CHRNA1: variants seen among roughly 807,000 people sequenced by gnomAD.
CHRNA1 encodes the protein cholinergic receptor nicotinic alpha 1 subunit.
A neutral mutation model predicts 47.1 loss-of-function variants in CHRNA1; 35 were observed. The ratio of observed to expected loss-of-function variants is 0.74; its 90% confidence interval spans 0.57 to 0.99. The LOEUF (loss-of-function observed/expected upper bound fraction) is 0.99, where lower values mean the gene tolerates loss of function less well. Ranked by LOEUF, CHRNA1 falls within the 50% of genes least tolerant of loss-of-function variation. CHRNA1 has a pLI of 0.00. For missense variants in CHRNA1, 506 were observed against 591.1 expected (o/e 0.86, Z 1.49); for synonymous variants, 229 against 223.6 (o/e 1.02, Z -0.22).
At chr2:174,764,237 G>T in intron 1 of CHRNA1, 115 bp downstream of exon 1, 1 of 1,066,680 alleles carries the variant, frequency 9.4e-7, no homozygotes, top group African/African-American at 1.6e-5. Flanking sequence ...GCCCCTGGTT[G>T]GGGAGGCTCT....
chr2:174,753,778 T>C (rs1370544307), intron 5 of CHRNA1, 38 bp from the exon 6 acceptor site: 4 of 1,600,840 alleles, frequency 2.5e-6, no homozygotes, highest in South Asian at 2.2e-5. Flanking sequence ...CCCAGGCAGG[T>C]CACCCTGATG....
intron 1 of CHRNA1, among the ~76,000 whole-genome samples, chr2:174,760,565 G>A (rs150747210): frequency 2.0e-5 from 3 of 152,176 alleles, no homozygotes; most frequent in African/African-American, 2.4e-5. Flanking sequence ...GAGAGGGATC[G>A]GGTGGGACTC....
At chr2:174,757,437 T>A in intron 4 of CHRNA1, 129 bp downstream of exon 4, 1 of 680,120 alleles carries the variant, frequency 1.5e-6, no homozygotes, top group South Asian at 1.5e-5. Flanking sequence ...TTTACAGGTG[T>A]GAGCCACCAT....
chr2:174,754,800 A>G (rs909083596), intron 4 of CHRNA1, among the ~76,000 whole-genome samples: 15 of 151,796 alleles, frequency 9.9e-5, no homozygotes, highest in African/African-American at 3.1e-4. Flanking sequence ...TATGTTGGGG[A>G]AAAAAAACAC....
intron 6 of CHRNA1, among the ~76,000 whole-genome samples, chr2:174,751,675 T>G (rs1463821805): frequency 6.6e-6 from 1 of 151,632 alleles, no homozygotes; most frequent in African/African-American, 2.4e-5. Flanking sequence ...CTTTTCTTTC[T>G]TTTTTTCTTC....
intron 6 of CHRNA1, 144 bp from the exon 7 acceptor site, chr2:174,750,313 T>C: frequency 1.5e-6 from 1 of 684,610 alleles, no homozygotes; most frequent in Non-Finnish European, 2.5e-6. Flanking sequence ...ACAGGGACTT[T>C]AAGGAGGTAA....
At chr2:174,751,745 C>T (rs1683855500) in intron 6 of CHRNA1, among the ~76,000 whole-genome samples, 1 of 150,392 alleles carries the variant, frequency 6.6e-6, no homozygotes, top group South Asian at 2.1e-4. Context: ...GTGGTGCCAT[C>T]TCAGCTCACT....
chr2:174,757,815 G>A (rs1684012584), intron 3 of CHRNA1, 140 bp from the exon 4 acceptor site: 3 of 982,662 alleles, frequency 3.1e-6, no homozygotes, highest in Non-Finnish European at 4.8e-6. Flanking sequence ...TCAGAATTTA[G>A]CTTTCACTTC....
chr2:174,749,156 A>C (rs1197114780), intron 7 of CHRNA1, among the ~76,000 whole-genome samples: 2 of 152,200 alleles, frequency 1.3e-5, no homozygotes, highest in Non-Finnish European at 2.9e-5. Flanking sequence ...GCAATGTGTC[A>C]CCAGGATCAA....
Position 174,748,012 on chromosome 2 carries a change from G to T in CHRNA1, c.*112C>A. The T allele has an allele frequency of 7.6e-7, 1 of 1,324,228 alleles. No homozygotes were observed. The allele number at this position is 1,324,228 out of a possible 1,614,324, so 82.0% of individuals were successfully genotyped here. On this transcript the variant is annotated 3_prime_UTR_variant, in exon 9 of 9. Coordinates refer to ENST00000348749, the MANE Select transcript of CHRNA1 (RefSeq NM_000079.4). ...AATCTTATCATCAATAATAAGTATG[G>T]AATATAACACGTTTGATAAGTGCGA...
intron 7 of CHRNA1, 116 bp from the exon 8 acceptor site, chr2:174,748,935 A>C: frequency 7.4e-7 from 1 of 1,356,522 alleles, no homozygotes; most frequent in Non-Finnish European, 1.0e-6. Flanking sequence ...TCTGGGCTTC[A>C]GCCTCCTTGT....
chr2:174,755,586 T>G (rs1282586621), intron 4 of CHRNA1, among the ~76,000 whole-genome samples: 1 of 151,938 alleles, frequency 6.6e-6, no homozygotes, highest in Non-Finnish European at 1.5e-5. Flanking sequence ...GCCCAGCTAA[T>G]TTTTTGTATT....
chr2:174,757,882 A>G (rs1298417050), intron 3 of CHRNA1: 9 of 1,036,012 alleles, frequency 8.7e-6, no homozygotes, highest in Middle Eastern at 2.0e-4. Context: ...TGTTTCAAAC[A>G]ACTTACCTAT....
Position 174,748,063 on chromosome 2 carries a change from C to T in CHRNA1, c.*61G>A. 6.2e-7 allele frequency: 1 copy of T among 1,606,710 alleles called. No homozygotes were observed. The highest frequency in any genetic ancestry group is 8.5e-7 in the Non-Finnish European group (1 of 1,175,630). On this transcript the variant is annotated 3_prime_UTR_variant, in exon 9 of 9. Transcript: ENST00000348749. ...GTGGAGCAAGTAGACAAATCTTCCT[C>T]TCCTGCCCTTCTCTGCTCTGGTAGG...
intron 3 of CHRNA1, chr2:174,758,136 TG>T: frequency 6.8e-7 from 1 of 1,477,168 alleles, no homozygotes; most frequent in Non-Finnish European, 9.4e-7. Flanking sequence ...AGTCTGGGCA[TG>T]GTGGCTCATG....
intron 3 of CHRNA1, 90 bp from the exon 4 acceptor site, chr2:174,757,765 A>C (rs1684011770): frequency 8.4e-7 from 1 of 1,194,878 alleles, no homozygotes; most frequent in South Asian, 1.3e-5. Context: ...ATGGGAATTC[A>C]GTATTGACAG....
Position 174,748,813 on chromosome 2 carries a change from T to C in CHRNA1, c.1009A>G (p.Ile337Val). Reference sequence around the variant, plus strand: ...AACATGATATTTGGGATAGTGTCGATAAAAACCTAACATAAAAAAGAAATC... The same window carrying C: ...AACATGATATTTGGGATAGTGTCGACAAAAACCTAACATAAAAAAGAAATC... ...VMPNWVRKVF[I>V]DTIPNIMFFS... The change falls in exon 8 of 9, where the codon ATC (isoleucine) becomes GTC (valine). Residue 337 changes from isoleucine to valine, a missense_variant. By Grantham distance (29) the Ile-to-Val change is conservative. Coordinates refer to ENST00000348749, the MANE Select transcript of CHRNA1 (RefSeq NM_000079.4). 1 of 1,614,062 alleles carries C rather than the reference T, an allele frequency of 6.2e-7. No individual in the cohort carries two copies. Among genetic ancestry groups the C allele is most frequent in the South Asian group, 1.1e-5 (1 of 91,070 alleles).
chr2:174,754,135 A>G (rs1005849578), intron 5 of CHRNA1, 84 bp downstream of exon 5: 11 of 1,242,402 alleles, frequency 8.9e-6, no homozygotes, highest in Admixed American at 6.7e-5. Flanking sequence ...TGGTACTGAG[A>G]GCCTATGATT....
At chr2:174,748,482 G>A (rs1313460109) in intron 8 of CHRNA1, 98 bp downstream of exon 8, 3 of 1,500,078 alleles carry the variant, frequency 2.0e-6, no homozygotes, top group Non-Finnish European at 2.7e-6. Flanking sequence ...GTAGCTGCCT[G>A]TTGTATGCCA....
Sources: gnomAD v4.1 joint callset for allele counts (sites outside exome capture counted in the v4.1 genomes callset) on GRCh38, gnomAD v4.1.1 for gene constraint, MANE v1.5 for transcripts, NCBI Gene and HGNC (gene_info 2026-07-23, HGNC 2026-07-21) for gene names.